Variants in AFG2A observed in about 807,000 individuals in gnomAD.
The protein encoded by AFG2A is AAA ATPase AFG2A, also known as ATPase family gene 2 protein homolog A.
chr4:123,038,536 G>A, the AFG2A span, among the ~76,000 whole-genome samples: 361 of 152,074 alleles, frequency 2.4e-3, 2 homozygotes, highest in African/African-American at 7.9e-3. Flanking sequence ...TAAACTTCAA[G>A]CTTAAAATAA....
At chr4:122,929,316 G>C in the AFG2A span, 1 of 1,148,202 alleles carries the variant, frequency 8.7e-7, no homozygotes, top group Non-Finnish European at 1.2e-6. Flanking sequence ...AAAAAGTAGA[G>C]AGAAACAGGT....
At chr4:123,319,213 A>C in the AFG2A span, 50 of 152,364 alleles carry the variant, frequency 3.3e-4, no homozygotes, top group Admixed American at 2.4e-3. Flanking sequence ...AAACTTGAAC[A>C]TATGTTTAAT....
chr4:123,140,191 G>T, the AFG2A span, among the ~76,000 whole-genome samples: 2 of 152,022 alleles, frequency 1.3e-5, no homozygotes, highest in Admixed American at 1.3e-4. Context: ...TAAATGACAG[G>T]TAGGAAATAA....
the AFG2A span, among the ~76,000 whole-genome samples, chr4:123,179,216 G>A: frequency 6.6e-6 from 1 of 152,206 alleles, no homozygotes; most frequent in Non-Finnish European, 1.5e-5. Flanking sequence ...AATCTAGAAG[G>A]AGGAGTAGGA....
At chr4:123,239,345 C>T in the AFG2A span, among the ~76,000 whole-genome samples, 21 of 152,264 alleles carry the variant, frequency 1.4e-4, no homozygotes, top group Admixed American at 1.1e-3. Context: ...CACAAAGATA[C>T]TCCTCAAGAA....
At chr4:123,003,341 C>T in the AFG2A span, among the ~76,000 whole-genome samples, 3 of 152,206 alleles carry the variant, frequency 2.0e-5, no homozygotes, top group Non-Finnish European at 4.4e-5. Context: ...TGTTCTGTTG[C>T]TGGTGAGGAG....
the AFG2A span, among the ~76,000 whole-genome samples, chr4:123,312,457 A>G: frequency 6.6e-6 from 1 of 152,198 alleles, no homozygotes; most frequent in African/African-American, 2.4e-5. Flanking sequence ...GACTCTTCCC[A>G]CTTGGTCCCT....
chr4:123,165,545 T>C, the AFG2A span, among the ~76,000 whole-genome samples: 4 of 152,136 alleles, frequency 2.6e-5, no homozygotes, highest in African/African-American at 9.6e-5. Flanking sequence ...GTTGTATGGC[T>C]ATCTGTAGGT....
chr4:123,089,525 C>A, the AFG2A span, among the ~76,000 whole-genome samples: 16 of 152,084 alleles, frequency 1.1e-4, no homozygotes, highest in African/African-American at 3.9e-4. Context: ...AATTATTTTG[C>A]ACATTTTGAC....
chr4:122,956,355 A>C, the AFG2A span, among the ~76,000 whole-genome samples: 1 of 152,256 alleles, frequency 6.6e-6, no homozygotes, highest in Non-Finnish European at 1.5e-5. Context: ...GACAGACTCA[A>C]GAAAGGCCTC....
At chr4:123,223,736 G>C in the AFG2A span, among the ~76,000 whole-genome samples, 1 of 152,164 alleles carries the variant, frequency 6.6e-6, no homozygotes, top group African/African-American at 2.4e-5. Flanking sequence ...AGATTTGGGC[G>C]GGGACCCAAA....
the AFG2A span, among the ~76,000 whole-genome samples, chr4:123,015,800 C>T: frequency 1.9e-5 from 2 of 107,924 alleles, no homozygotes; most frequent in Admixed American, 1.9e-4. Flanking sequence ...CCGGGCGGCT[C>T]GGGTGGGGGG....
At chr4:123,255,715 C>CTTTTTTTTTTTT in the AFG2A span, among the ~76,000 whole-genome samples, 3 of 103,910 alleles carry the variant, frequency 2.9e-5, 1 homozygote, top group Non-Finnish European at 3.8e-5. Flanking sequence ...TACTGCTTTT[C>CTTTTTTTTTTTT]TATTTTTTTT....
At chr4:123,045,651 A>G in the AFG2A span, among the ~76,000 whole-genome samples, 1 of 152,162 alleles carries the variant, frequency 6.6e-6, no homozygotes, top group African/African-American at 2.4e-5. Context: ...TTCTCATTGC[A>G]TTCTATCAGG....
At chr4:122,944,535 G>T in the AFG2A span, among the ~76,000 whole-genome samples, 4 of 151,932 alleles carry the variant, frequency 2.6e-5, no homozygotes, top group Non-Finnish European at 4.4e-5. Context: ...TTATACATTC[G>T]CCTAAATTTT....
the AFG2A span, among the ~76,000 whole-genome samples, chr4:123,039,710 A>AT: frequency 0.054 from 8,184 of 151,802 alleles, 523 homozygotes; most frequent in African/African-American, 0.16. Flanking sequence ...CAAAGCAAGT[A>AT]TAGGGCTGTA....
chr4:123,037,483 A>G, the AFG2A span, among the ~76,000 whole-genome samples: 214 of 152,190 alleles, frequency 1.4e-3, no homozygotes, highest in Non-Finnish European at 2.2e-3. Flanking sequence ...CATGCTATCT[A>G]GGAGGTAAAA....
the AFG2A span, among the ~76,000 whole-genome samples, chr4:123,120,645 T>C: frequency 6.6e-6 from 1 of 152,170 alleles, no homozygotes; most frequent in Non-Finnish European, 1.5e-5. Context: ...ATAATGGAGC[T>C]GAAAAATTCC....
At chr4:122,943,882 C>A in the AFG2A span, among the ~76,000 whole-genome samples, 2 of 151,738 alleles carry the variant, frequency 1.3e-5, no homozygotes, top group East Asian at 1.9e-4. Context: ...TTTTATTTCT[C>A]CTTCACTTAT....
Sources: gnomAD v4.1 joint callset for allele counts (sites outside exome capture counted in the v4.1 genomes callset) on GRCh38, gnomAD v4.1.1 for gene constraint, MANE v1.5 for transcripts, NCBI Gene and HGNC (gene_info 2026-07-23, HGNC 2026-07-21) for gene names.